Variants in DOCK1 observed in about 807,000 individuals in gnomAD.
DOCK1 encodes the protein dedicator of cytokinesis 1, also known as dedicator of cytokinesis protein 1.
A neutral mutation model predicts 262.7 loss-of-function variants in DOCK1; 138 were observed. The ratio of observed to expected loss-of-function variants is 0.53; its 90% CI spans 0.46 to 0.61. The LOEUF is 0.61. DOCK1 is among the 20% of genes least tolerant of loss of function. DOCK1 has a pLI of 0.00. For synonymous variants in DOCK1, 866 were observed against 867.4 expected (o/e 1.00, Z 0.03); for missense variants, 1,908 against 2,370.7 (o/e 0.80, Z 4.05).
chr10:127,185,581 G>A (rs1038004346), intron 27 of DOCK1, among the ~76,000 whole-genome samples: 6 of 152,206 alleles, frequency 3.9e-5, no homozygotes, highest in Non-Finnish European at 8.8e-5. Flanking sequence ...TAGGATGAGT[G>A]TACAATATTA....
chr10:127,387,493 A>C (rs1436556039), intron 38 of DOCK1, among the ~76,000 whole-genome samples: 1 of 152,180 alleles, frequency 6.6e-6, no homozygotes, highest in Non-Finnish European at 1.5e-5. Context: ...TGCCCTGGGC[A>C]TACTCCTTCC....
intron 27 of DOCK1, chr10:127,177,159 G>T (rs1462655847): frequency 2.6e-5 from 4 of 151,972 alleles, no homozygotes; most frequent in East Asian, 1.9e-4. Context: ...AAAAATAAAA[G>T]AAATTACTCA....
intron 1 of DOCK1, among the ~76,000 whole-genome samples, chr10:126,911,380 AC>A (rs2031735124): frequency 1.3e-5 from 2 of 152,170 alleles, no homozygotes; most frequent in Non-Finnish European, 2.9e-5. Context: ...GAGCGGGTCC[AC>A]TGAGCTGTGA....
At chr10:126,966,545 C>G (rs2037693639) in intron 1 of DOCK1, among the ~76,000 whole-genome samples, 2 of 152,092 alleles carry the variant, frequency 1.3e-5, no homozygotes, top group African/African-American at 4.8e-5. Context: ...ACCTCACTGG[C>G]ATTTGTTATT....
At position 126,996,937 on chromosome 10, in the gene DOCK1, A is replaced by G; in HGVS notation, c.609+54A>G. 5.3e-6 allele frequency: 8 copies of G among 1,503,564 alleles called. No homozygotes were observed. The South Asian group carries it at 1.1e-4, about 21-fold the overall frequency. The allele number at this position is 1,503,564 out of a possible 1,614,324, so 93.1% of individuals were successfully genotyped here. On this transcript the variant is annotated intron_variant, in intron 7 of 51. Coordinates refer to ENST00000623213, the MANE Select transcript of DOCK1 (RefSeq NM_001290223.2). ...ACGTTTTCTCAGTAATAAGTTTTCAACATTAGTAAAGTATCAGTCAAGCCC... is the reference window on the plus strand; with the variant it reads ...ACGTTTTCTCAGTAATAAGTTTTCAGCATTAGTAAAGTATCAGTCAAGCCC...
intron 48 of DOCK1, among the ~76,000 whole-genome samples, chr10:127,438,700 G>C (rs1335557180): frequency 6.6e-6 from 1 of 152,176 alleles, no homozygotes; most frequent in African/African-American, 2.4e-5. Context: ...ATCTCTAAAA[G>C]ACGAGGGTTC....
chr10:127,078,584 C>T (rs2046708573), intron 23 of DOCK1, among the ~76,000 whole-genome samples: 1 of 152,156 alleles, frequency 6.6e-6, no homozygotes, highest in Non-Finnish European at 1.5e-5. Context: ...ATCCGGCAAT[C>T]CCATTCCTGG....
At chr10:127,238,241 ATTCATTTCC>A (rs2134659116) in intron 27 of DOCK1, among the ~76,000 whole-genome samples, 1 of 152,150 alleles carries the variant, frequency 6.6e-6, no homozygotes, top group Non-Finnish European at 1.5e-5. Flanking sequence ...GAATCTGTCT[ATTCATTTCC>A]TCATGATGGA....
intron 29 of DOCK1, chr10:127,257,688 T>G: frequency 3.0e-6 from 1 of 334,808 alleles, no homozygotes. Context: ...GGATCTCCCC[T>G]AGCTGTCATC....
intron 38 of DOCK1, among the ~76,000 whole-genome samples, chr10:127,393,680 T>C (rs2066639393): frequency 6.6e-6 from 1 of 152,186 alleles, no homozygotes; most frequent in Admixed American, 6.5e-5. Flanking sequence ...TGCTGTTTTA[T>C]ATTGGACACG....
At chr10:127,305,496 A>G (rs1338259831) in intron 29 of DOCK1, among the ~76,000 whole-genome samples, 1 of 152,148 alleles carries the variant, frequency 6.6e-6, no homozygotes, top group Non-Finnish European at 1.5e-5. Context: ...TTAAGGGGAC[A>G]CTTGGATATA....
chr10:126,977,344 C>T (rs765727218), intron 2 of DOCK1, among the ~76,000 whole-genome samples: 1 of 152,088 alleles, frequency 6.6e-6, no homozygotes, highest in African/African-American at 2.4e-5. Context: ...TTGGAAGGAG[C>T]GAGAAGTGGA....
At chr10:127,071,878 C>A (rs2046253141) in intron 23 of DOCK1, among the ~76,000 whole-genome samples, 1 of 152,160 alleles carries the variant, frequency 6.6e-6, no homozygotes, top group Non-Finnish European at 1.5e-5. Flanking sequence ...TGTTAGAGGA[C>A]AATGCTTTAA....
At chr10:127,387,960 T>A (rs4271305) in intron 38 of DOCK1, among the ~76,000 whole-genome samples, 121,679 of 151,928 alleles carry the variant, frequency 0.8, 48,818 homozygotes, top group African/African-American at 0.85. Flanking sequence ...TTCGGTTCAG[T>A]ACAGTGGTTC....
intron 27 of DOCK1, among the ~76,000 whole-genome samples, chr10:127,190,353 C>A (rs1410395376): frequency 6.6e-6 from 1 of 152,142 alleles, no homozygotes; most frequent in Non-Finnish European, 1.5e-5. Flanking sequence ...TTAATTCCTG[C>A]TACACAAAAA....
chr10:127,129,692 G>A (rs537803917), intron 27 of DOCK1, among the ~76,000 whole-genome samples: 44 of 152,290 alleles, frequency 2.9e-4, no homozygotes, highest in Non-Finnish European at 5.4e-4. Flanking sequence ...AGTGGAACTG[G>A]AAAGGGCCTT....
At position 127,053,215 on chromosome 10, in the gene DOCK1, G is replaced by A. The variant is rs138338892; in HGVS notation, c.2336+400G>A. On this transcript the variant is annotated intron_variant, in intron 22 of 51. Transcript: ENST00000623213. ...AAATAGGCCGGGCGCAGTGGCTCAC[G>A]CCTGTAATCCCAGCTACTTGGGAGG... Among the ~76,000 whole-genome samples, 1,177 of 152,310 alleles carry A rather than the reference G, an allele frequency of 7.7e-3. 19 individuals are homozygous for A. The highest frequency in any genetic ancestry group is 0.027 in the African/African-American group (1,104 of 41,572).
chr10:127,208,042 T>G (rs2057802923), intron 27 of DOCK1, among the ~76,000 whole-genome samples: 1 of 152,192 alleles, frequency 6.6e-6, no homozygotes, highest in Admixed American at 6.5e-5. Flanking sequence ...TTGGGCAGAA[T>G]TAGAGCAGTA....
intron 10 of DOCK1, chr10:127,000,523 T>A (rs2040507161): frequency 9.4e-6 from 6 of 635,296 alleles, no homozygotes; most frequent in Non-Finnish European, 1.5e-5. Flanking sequence ...ATATAAATCA[T>A]ATATTTGGTT....
Sources: gnomAD v4.1 joint callset for allele counts (sites outside exome capture counted in the v4.1 genomes callset) on GRCh38, gnomAD v4.1.1 for gene constraint, MANE v1.5 for transcripts, NCBI Gene and HGNC (gene_info 2026-07-23, HGNC 2026-07-21) for gene names.